SYTL5: variants seen among roughly 807,000 people sequenced by gnomAD.
SYTL5 encodes synaptotagmin-like protein 5.
SYTL5 carries 34 observed loss-of-function variants against 55.9 expected under a neutral mutation model. The observed-to-expected ratio is 0.61, with a 90% confidence interval of 0.46 to 0.81. The LOEUF is 0.81. Ranked by LOEUF, SYTL5 falls within the 30% of genes least tolerant of loss-of-function variation. The pLI is 0.00. For missense variants in SYTL5, 637 were observed against 546.7 expected (o/e 1.17, Z -1.65); for synonymous variants, 221 against 188.7 (o/e 1.17, Z -1.40).
chrX:38,049,077 C>G (rs1193236943), intron 2 of SYTL5, among the ~76,000 whole-genome samples: 1 of 111,433 alleles, frequency 9.0e-6, no homozygotes, highest in Non-Finnish European at 1.9e-5. Flanking sequence ...GCATCAGAAT[C>G]AGGCTGCTGT....
Position 38,125,509 on chromosome X carries a change from G to A in SYTL5, c.2050+3G>A. On this transcript the variant is annotated splice_donor_region_variant and intron_variant, in intron 16 of 16. Transcript: ENST00000297875. ...AGTTCGTTTGAATTCTGGAAGTGGTGAGGGATTTGGGGACCCACAGGGATG... is the reference window on the plus strand; with the variant it reads ...AGTTCGTTTGAATTCTGGAAGTGGTAAGGGATTTGGGGACCCACAGGGATG... The A allele has an allele frequency of 8.3e-7, 1 of 1,206,801 alleles. No individual in the cohort carries two copies. Among genetic ancestry groups the A allele is most frequent in the Non-Finnish European group, 1.1e-6 (1 of 891,129 alleles).
chrX:37,895,867 A>C, the SYTL5 span, among the ~76,000 whole-genome samples: 1 of 112,045 alleles, frequency 8.9e-6, no homozygotes, highest in African/African-American at 3.2e-5. Flanking sequence ...TTACAAGTGG[A>C]TTTGCATTGA....
the SYTL5 span, among the ~76,000 whole-genome samples, chrX:37,922,310 G>A: frequency 9.0e-6 from 1 of 111,626 alleles, no homozygotes; most frequent in East Asian, 2.8e-4. Context: ...GTTGGATGGA[G>A]AGCCTCCGAG....
At chrX:37,998,612 C>A in the SYTL5 span, among the ~76,000 whole-genome samples, 1 of 111,977 alleles carries the variant, frequency 8.9e-6, no homozygotes, top group Admixed American at 9.4e-5. Flanking sequence ...CCGTTCCACA[C>A]CTTACTCCCC....
At position 38,017,094 on chromosome X, in the gene SYTL5, G is replaced by T. The variant is rs1934378722; in HGVS notation, c.-357+10426G>T. The stretch of plus-strand genomic sequence containing the variant: ...CAATTTTGTTGTTGTTGTTGTTGTT[G>T]TTTTTTGATGCGAGAGGTTGCCCAT... On this transcript the variant is annotated intron_variant, in intron 1 of 16. Coordinates refer to ENST00000297875, the MANE Select transcript of SYTL5 (RefSeq NM_138780.3). Among the ~76,000 whole-genome samples the T allele has an allele frequency of 2.7e-5, 3 of 110,854 alleles. No individual in the cohort carries two copies. In the Admixed American group the frequency reaches 2.9e-4, roughly 11 times the overall value.
the SYTL5 span, among the ~76,000 whole-genome samples, chrX:37,907,322 C>T: frequency 3.6e-5 from 4 of 111,923 alleles, no homozygotes; most frequent in Non-Finnish European, 7.5e-5. Context: ...AGTCCCCGAT[C>T]TTTCTTGAAT....
At chrX:37,908,036 G>A in the SYTL5 span, among the ~76,000 whole-genome samples, 1 of 108,867 alleles carries the variant, frequency 9.2e-6, no homozygotes, top group Non-Finnish European at 1.9e-5. Flanking sequence ...AGGATCCCTT[G>A]AGCCCAGGAT....
chrX:37,993,010 A>G, the SYTL5 span, among the ~76,000 whole-genome samples: 111 of 111,591 alleles, frequency 9.9e-4, no homozygotes, highest in Non-Finnish European at 1.9e-3. Flanking sequence ...ATATAAAAAA[A>G]AAAACTGTTC....
At chrX:38,070,356 A>G (rs1054085373) in intron 3 of SYTL5, among the ~76,000 whole-genome samples, 1 of 110,603 alleles carries the variant, frequency 9.0e-6, no homozygotes, top group African/African-American at 3.3e-5. Flanking sequence ...GCTTTTCCTC[A>G]GCCACCATAT....
intron 1 of SYTL5, among the ~76,000 whole-genome samples, chrX:38,026,818 C>T (rs7052390): frequency 0.1 from 11,643 of 111,231 alleles, 1,013 homozygotes; most frequent in African/African-American, 0.25. Flanking sequence ...CTTGTGCTGA[C>T]CTCCTGTCTC....
intron 4 of SYTL5, 119 bp downstream of exon 4, chrX:38,072,281 T>G: frequency 2.1e-6 from 1 of 474,889 alleles, no homozygotes; most frequent in Non-Finnish European, 3.5e-6. Context: ...CCTTAGGGCA[T>G]TTCACAACTT....
intron 13 of SYTL5, among the ~76,000 whole-genome samples, chrX:38,112,449 C>T (rs1367432706): frequency 8.9e-6 from 1 of 111,842 alleles, no homozygotes; most frequent in Non-Finnish European, 1.9e-5. Context: ...GACTTGCTTC[C>T]CATACCTCTT....
the SYTL5 span, among the ~76,000 whole-genome samples, chrX:37,917,678 T>C: frequency 8.9e-6 from 1 of 112,344 alleles, no homozygotes; most frequent in African/African-American, 3.2e-5. Context: ...TTTTCATGTT[T>C]TTATATCCCT....
intron 8 of SYTL5, among the ~76,000 whole-genome samples, chrX:38,095,769 G>GT (rs5902176): frequency 0.21 from 22,266 of 107,313 alleles, 1,967 homozygotes; most frequent in Middle Eastern, 0.32. Context: ...AATTGTTAAT[G>GT]TTTTTTTTTC....
chrX:38,086,841 A>G (rs140031694), intron 6 of SYTL5, among the ~76,000 whole-genome samples: 1 of 111,100 alleles, frequency 9.0e-6, no homozygotes, highest in Non-Finnish European at 1.9e-5. Flanking sequence ...ACTGGAAAAA[A>G]TTTTTTGAGA....
intron 2 of SYTL5, among the ~76,000 whole-genome samples, chrX:38,047,475 G>A (rs1434092769): frequency 8.9e-6 from 1 of 112,781 alleles, no homozygotes; most frequent in Non-Finnish European, 1.9e-5. Context: ...CAGCTGAGAT[G>A]CAGGGCACCA....
At chrX:37,909,295 A>G in the SYTL5 span, among the ~76,000 whole-genome samples, 1 of 112,268 alleles carries the variant, frequency 8.9e-6, no homozygotes, top group South Asian at 3.7e-4. Context: ...GAGATCAGAT[A>G]AGCAAGTATC....
intron 7 of SYTL5, among the ~76,000 whole-genome samples, chrX:38,093,856 G>A (rs1240701450): frequency 1.8e-5 from 2 of 109,838 alleles, no homozygotes; most frequent in Non-Finnish European, 3.8e-5. Context: ...GGGGGTGGAA[G>A]AGGTAAGGGA....
intron 5 of SYTL5, among the ~76,000 whole-genome samples, chrX:38,075,218 T>G (rs1020734154): frequency 1.8e-5 from 2 of 111,625 alleles, no homozygotes; most frequent in Non-Finnish European, 3.8e-5. Flanking sequence ...ATTGTAGCAC[T>G]GGGCTGAGCC....
Sources: gnomAD v4.1 joint callset for allele counts (sites outside exome capture counted in the v4.1 genomes callset) on GRCh38, gnomAD v4.1.1 for gene constraint, MANE v1.5 for transcripts, NCBI Gene and HGNC (gene_info 2026-07-23, HGNC 2026-07-21) for gene names.